The following NELL1 variants were observed in gnomAD, a reference collection of about 807,000 sequenced individuals.
NELL1 encodes neural EGFL like 1.
Under a neutral mutation model 107.4 loss-of-function variants are expected in NELL1, and 76 were observed. That is an observed-to-expected ratio of 0.71 (90% CI 0.59 to 0.86). The LOEUF is 0.86. Ranked by LOEUF, NELL1 falls within the 40% of genes least tolerant of loss-of-function variation. The pLI, the probability that NELL1 is intolerant of heterozygous loss-of-function variation, is 0.00. For synonymous variants in NELL1, 353 were observed against 341.2 expected (o/e 1.03, Z -0.38); for missense variants, 1,024 against 1,005.5 (o/e 1.02, Z -0.25).
chr11:21,305,296 G>A (rs553415188), intron 14 of NELL1, among the ~76,000 whole-genome samples: 69 of 152,116 alleles, frequency 4.5e-4, no homozygotes, highest in Non-Finnish European at 7.4e-4. Context: ...AGATGCAGAT[G>A]TGTTCGTCCT....
chr11:20,808,815 C>T lies in NELL1; in HGVS notation c.335+24985C>T, dbSNP rs576293804. Among the ~76,000 whole-genome samples the T allele has an allele frequency of 2.0e-5, 3 of 152,300 alleles. No individual in the cohort carries two copies. The South Asian group carries it at 6.2e-4, about 32-fold the overall frequency. ...GCAAAGTCCCACAATCATTGTACTCCCTCTCTCCTTAGTGCACAGATTCTT... is the reference window on the plus strand; with the variant it reads ...GCAAAGTCCCACAATCATTGTACTCTCTCTCTCCTTAGTGCACAGATTCTT... On this transcript the variant is annotated intron_variant, in intron 3 of 19. Transcript: ENST00000357134.
chr11:21,136,903 C>A (rs1275645393), intron 13 of NELL1, among the ~76,000 whole-genome samples: 1 of 152,072 alleles, frequency 6.6e-6, no homozygotes, highest in African/African-American at 2.4e-5. Flanking sequence ...ACCAAAATAC[C>A]CAGTCTCACC....
intron 15 of NELL1, among the ~76,000 whole-genome samples, chr11:21,430,831 TACTA>T (rs1324090968): frequency 6.6e-6 from 1 of 152,182 alleles, no homozygotes; most frequent in Non-Finnish European, 1.5e-5. Context: ...ATTTGTGTTT[TACTA>T]ACTGTCACTA....
At chr11:21,364,282 G>T (rs903764277) in intron 14 of NELL1, among the ~76,000 whole-genome samples, 7 of 151,572 alleles carry the variant, frequency 4.6e-5, no homozygotes, top group Admixed American at 2.6e-4. Flanking sequence ...GTGGTGGCGG[G>T]TGCCTATAAT....
At chr11:21,378,272 T>C (rs1398298962) in intron 15 of NELL1, among the ~76,000 whole-genome samples, 3 of 98,120 alleles carry the variant, frequency 3.1e-5, no homozygotes, top group Admixed American at 1.1e-4. Flanking sequence ...TATGTATATA[T>C]ATATATATAT....
intron 3 of NELL1, among the ~76,000 whole-genome samples, chr11:20,842,436 A>G (rs1222781021): frequency 6.6e-6 from 1 of 151,898 alleles, no homozygotes; most frequent in Non-Finnish European, 1.5e-5. Flanking sequence ...TGATGAGATT[A>G]GCATAAAGAA....
chr11:20,695,220 A>G (rs562470817), intron 2 of NELL1, among the ~76,000 whole-genome samples: 23 of 152,122 alleles, frequency 1.5e-4, no homozygotes, highest in Non-Finnish European at 2.5e-4. Flanking sequence ...TTCTAGGTAG[A>G]GAATCATATC....
intron 2 of NELL1, among the ~76,000 whole-genome samples, chr11:20,714,572 A>G (rs567008709): frequency 6.6e-6 from 1 of 151,668 alleles, no homozygotes; most frequent in South Asian, 2.1e-4. Context: ...CCCAGGCTGC[A>G]GTGCAGTGGC....
chr11:21,260,054 G>T lies in NELL1; in HGVS notation c.1549+30600G>T, dbSNP rs886974755. The T allele has an allele frequency of 3.3e-5, 5 of 151,902 alleles. No individual in the cohort carries two copies. The East Asian group carries it at 7.7e-4, about 24-fold the overall frequency. 9.4% of individuals were successfully genotyped at this position (151,902 alleles called of 1,614,324 possible). Reference sequence around the variant, plus strand: ...TTGAGTACCAAATACTATTCTAGATGTGGTGGATATAGCAGGAAACCAAAC... The same window carrying T: ...TTGAGTACCAAATACTATTCTAGATTTGGTGGATATAGCAGGAAACCAAAC... On this transcript the variant is annotated intron_variant, in intron 14 of 19. Coordinates refer to ENST00000357134, the MANE Select transcript of NELL1 (RefSeq NM_006157.5).
chr11:21,215,061 A>G (rs1857585065), intron 13 of NELL1, among the ~76,000 whole-genome samples: 1 of 152,196 alleles, frequency 6.6e-6, no homozygotes, highest in African/African-American at 2.4e-5. Context: ...CCCAAATCTC[A>G]TCTTGAATTG....
intron 14 of NELL1, among the ~76,000 whole-genome samples, chr11:21,317,011 T>C: frequency 6.6e-6 from 1 of 152,324 alleles, no homozygotes; most frequent in Non-Finnish European, 1.5e-5. Context: ...CATAACACTT[T>C]ATTCTAGTTA....
chr11:21,424,535 C>T (rs772612802), intron 15 of NELL1, among the ~76,000 whole-genome samples: 2 of 151,986 alleles, frequency 1.3e-5, no homozygotes. Context: ...GCAGAAGAAT[C>T]GCTTGAACCT....
chr11:20,881,257 C>T (rs2134100788), intron 4 of NELL1, among the ~76,000 whole-genome samples: 1 of 152,338 alleles, frequency 6.6e-6, no homozygotes, highest in Middle Eastern at 3.4e-3. Context: ...ATCATGTCCT[C>T]TTTTGTTCAG....
At chr11:21,012,007 G>A (rs1852457187) in intron 12 of NELL1, among the ~76,000 whole-genome samples, 1 of 152,112 alleles carries the variant, frequency 6.6e-6, no homozygotes, top group Non-Finnish European at 1.5e-5. Flanking sequence ...GCCAACCACT[G>A]CGCTAAGAGC....
intron 13 of NELL1, 133 bp from the exon 14 acceptor site, chr11:21,229,199 T>A: frequency 1.1e-6 from 1 of 930,790 alleles, no homozygotes; most frequent in East Asian, 2.8e-5. Context: ...CAGGAACTTT[T>A]AGGCGCATAG....
At chr11:21,216,331 G>A (rs1435280544) in intron 13 of NELL1, among the ~76,000 whole-genome samples, 1 of 152,224 alleles carries the variant, frequency 6.6e-6, no homozygotes, top group Non-Finnish European at 1.5e-5. Flanking sequence ...GAAGGGAAAT[G>A]TGGGGTTGGA....
intron 17 of NELL1, among the ~76,000 whole-genome samples, chr11:21,565,990 C>T (rs756307364): frequency 2.0e-4 from 30 of 151,914 alleles, no homozygotes; most frequent in Non-Finnish European, 4.1e-4. Context: ...CTATATCAGG[C>T]ATCAGCAAGG....
At chr11:20,745,549 A>G (rs1855984110) in intron 2 of NELL1, among the ~76,000 whole-genome samples, 1 of 152,230 alleles carries the variant, frequency 6.6e-6, no homozygotes, top group Admixed American at 6.5e-5. Flanking sequence ...TGAATAAACT[A>G]AAAGCACATT....
chr11:21,200,259 T>C (rs1469234086), intron 13 of NELL1, among the ~76,000 whole-genome samples: 1 of 152,146 alleles, frequency 6.6e-6, no homozygotes, highest in Non-Finnish European at 1.5e-5. Context: ...TATACTCCCA[T>C]CAACAGTGTA....
Sources: gnomAD v4.1 joint callset for allele counts (sites outside exome capture counted in the v4.1 genomes callset) on GRCh38, gnomAD v4.1.1 for gene constraint, MANE v1.5 for transcripts, NCBI Gene and HGNC (gene_info 2026-07-23, HGNC 2026-07-21) for gene names.